MAN1A2: variants seen among roughly 807,000 people sequenced by gnomAD.
MAN1A2 encodes mannosyl-oligosaccharide 1,2-alpha-mannosidase IB.
A neutral mutation model predicts 75.7 loss-of-function variants in MAN1A2; 26 were observed. The ratio of observed to expected loss-of-function variants is 0.34; its 90% CI spans 0.25 to 0.48. The LOEUF is 0.48. MAN1A2 is among the 20% of genes least tolerant of loss of function. MAN1A2 has a pLI of 0.99. For missense variants in MAN1A2, 562 were observed against 775.5 expected, an observed-to-expected ratio of 0.72 and a Z score of 3.27; for synonymous variants, 247 against 264.6, an observed-to-expected ratio of 0.93 and a Z score of 0.65.
Position 117,460,493 on chromosome 1 carries a change from G to A in MAN1A2, c.955G>A (p.Val319Ile). ...TTACTTTTCCTTTTCATTCAGTGGA[G>A]TAGGGCGAAACTGGGGCTGGGCATC... The part of the protein sequence containing the change: ...PWAMVNLKSG[V>I]GRNWGWASAG... Residue 319 changes from valine (V) to isoleucine (I), a missense_variant, in exon 7 of 13, where the codon GTA becomes ATA. Physicochemically the swap from Val to Ile is conservative, Grantham distance 29. This residue lies in a region of MAN1A2 where 434 missense variants were observed against 645.7 expected (regional missense o/e 0.67). Coordinates refer to ENST00000356554, the MANE Select transcript of MAN1A2 (RefSeq NM_006699.5). 1 of 1,610,736 alleles carries A rather than the reference G, an allele frequency of 6.2e-7. No homozygotes were observed. Among genetic ancestry groups the A allele is most frequent in the Non-Finnish European group, 8.5e-7 (1 of 1,178,566 alleles).
intron 4 of MAN1A2, among the ~76,000 whole-genome samples, chr1:117,420,184 A>G (rs984871054): frequency 2.0e-5 from 3 of 152,066 alleles, no homozygotes; most frequent in African/African-American, 7.2e-5. Flanking sequence ...ATTATGCTGT[A>G]GTGATTAGAA....
intron 5 of MAN1A2, among the ~76,000 whole-genome samples, chr1:117,437,019 G>C (rs1648871305): frequency 1.3e-5 from 2 of 152,126 alleles, no homozygotes; most frequent in African/African-American, 4.8e-5. Context: ...CTGTCTCTTT[G>C]TGTTAACCCT....
intron 8 of MAN1A2, among the ~76,000 whole-genome samples, chr1:117,472,536 GAAAT>G (rs1375210438): frequency 7.9e-5 from 12 of 151,988 alleles, no homozygotes; most frequent in Non-Finnish European, 1.6e-4. Context: ...GGAGAGATAT[GAAAT>G]AAACAAATAC....
At chr1:117,408,998 C>G (rs1172689890) in intron 3 of MAN1A2, among the ~76,000 whole-genome samples, 2 of 151,962 alleles carry the variant, frequency 1.3e-5, no homozygotes, top group East Asian at 1.9e-4. Flanking sequence ...CCTTTCATTT[C>G]TAATATTATT....
intron 3 of MAN1A2, among the ~76,000 whole-genome samples, chr1:117,410,059 C>A (rs1647756340): frequency 6.6e-6 from 1 of 151,892 alleles, no homozygotes; most frequent in African/African-American, 2.4e-5. Context: ...CTCTAGATTA[C>A]TTAGAATACC....
chr1:117,401,206 G>A (rs941540967), intron 1 of MAN1A2, among the ~76,000 whole-genome samples: 1 of 150,166 alleles, frequency 6.7e-6, no homozygotes, highest in African/African-American at 2.5e-5. Context: ...ATGCCGAGAA[G>A]TGCATTTGCA....
intron 9 of MAN1A2, among the ~76,000 whole-genome samples, chr1:117,496,113 A>G (rs749262478): frequency 1.4e-5 from 1 of 73,978 alleles, no homozygotes; most frequent in African/African-American, 6.2e-5. Flanking sequence ...AGAACAACTG[A>G]CAGTAAAAAT....
At chr1:117,466,767 A>G (rs972008644) in intron 8 of MAN1A2, among the ~76,000 whole-genome samples, 1 of 152,120 alleles carries the variant, frequency 6.6e-6, no homozygotes, top group African/African-American at 2.4e-5. Flanking sequence ...GTAGAGGAGG[A>G]GTATGAAAAA....
intron 7 of MAN1A2, among the ~76,000 whole-genome samples, chr1:117,463,206 A>T (rs907092933): frequency 6.6e-6 from 1 of 152,120 alleles, no homozygotes; most frequent in South Asian, 2.1e-4. Context: ...GAAAAAATGT[A>T]ACTTCATGTC....
chr1:117,394,989 A>G (rs1394397719), intron 1 of MAN1A2, among the ~76,000 whole-genome samples: 2 of 152,298 alleles, frequency 1.3e-5, no homozygotes, highest in East Asian at 3.9e-4. Flanking sequence ...TTCCAGCGTA[A>G]TTTTATGTAT....
chr1:117,497,050 T>C, intron 10 of MAN1A2, 68 bp downstream of exon 10: 1 of 1,321,874 alleles, frequency 7.6e-7, no homozygotes, highest in Non-Finnish European at 1.0e-6. Context: ...TGTTCAGCAA[T>C]AAGAAGGAGA....
intron 4 of MAN1A2, among the ~76,000 whole-genome samples, chr1:117,415,415 T>C (rs186119311): frequency 6.6e-6 from 1 of 152,286 alleles, no homozygotes; most frequent in Admixed American, 6.5e-5. Flanking sequence ...TGTATTATCC[T>C]TCACTACTTC....
intron 5 of MAN1A2, among the ~76,000 whole-genome samples, chr1:117,435,756 A>G (rs1183195471): frequency 5.3e-5 from 8 of 152,192 alleles, no homozygotes; most frequent in South Asian, 4.1e-4. Context: ...TTTGTAATAG[A>G]TAATAAAATA....
chr1:117,429,846 C>A (rs1648544364), intron 5 of MAN1A2, among the ~76,000 whole-genome samples: 1 of 71,108 alleles, frequency 1.4e-5, no homozygotes. Context: ...GGCGGCTGGC[C>A]GGGCGGGGGG....
In MAN1A2 at chr1:117,523,994, T is replaced by C. The variant is rs1651939333; in HGVS notation, c.*1037T>C. 6.6e-6 allele frequency: 1 copy of C among 152,288 alleles called. No individual in the cohort carries two copies. The allele number at this position is 152,288 out of a possible 1,614,324, so 9.4% of individuals were successfully genotyped here. ...TAAATAAATTACTTTTATAACTTACTAAAGCAGAACAAACAGTGAAACTTT... is the reference window on the plus strand; with the variant it reads ...TAAATAAATTACTTTTATAACTTACCAAAGCAGAACAAACAGTGAAACTTT... On this transcript the variant is annotated 3_prime_UTR_variant, in exon 13 of 13. Coordinates refer to ENST00000356554, the MANE Select transcript of MAN1A2 (RefSeq NM_006699.5).
At chr1:117,497,903 T>C (rs1651080114) in intron 10 of MAN1A2, among the ~76,000 whole-genome samples, 1 of 151,920 alleles carries the variant, frequency 6.6e-6, no homozygotes, top group South Asian at 2.1e-4. Flanking sequence ...TTTTATTAAA[T>C]AACAATTTCT....
rs1652829420 is a variant in MAN1A2 at position 117,368,122 on chromosome 1, T to C, written c.-62T>C. 6.9e-7 allele frequency: 1 copy of C among 1,444,710 alleles called. No individual in the cohort carries two copies. Among genetic ancestry groups the C allele is most frequent in the Admixed American group, 2.2e-5 (1 of 44,978 alleles). 89.5% of individuals were successfully genotyped at this position (1,444,710 alleles called of 1,614,324 possible). A position where few individuals can be genotyped will look rare whatever the true frequency, so the allele number is the denominator to read the frequency against. On this transcript the variant is annotated 5_prime_UTR_variant, in exon 1 of 13. The change abolishes an upstream ATG in the 5' untranslated region. Coordinates refer to ENST00000356554, the MANE Select transcript of MAN1A2 (RefSeq NM_006699.5). ...GGCCAAGATTTTGAAGACAGTTCAATGTATTCTACATTTGACATAAGATGA... is the reference window on the plus strand; with the variant it reads ...GGCCAAGATTTTGAAGACAGTTCAACGTATTCTACATTTGACATAAGATGA...
At chr1:117,453,649 T>C (rs1182785936) in intron 6 of MAN1A2, among the ~76,000 whole-genome samples, 1 of 152,224 alleles carries the variant, frequency 6.6e-6, no homozygotes, top group East Asian at 1.9e-4. Flanking sequence ...ATGGAATCTA[T>C]TCCTGGTGAA....
chr1:117,486,741 T>G (rs1475448306), intron 8 of MAN1A2, among the ~76,000 whole-genome samples: 1 of 151,934 alleles, frequency 6.6e-6, no homozygotes, highest in Non-Finnish European at 1.5e-5. Flanking sequence ...GAGGTTCAAT[T>G]TCCAATTAAT....
Sources: gnomAD v4.1 joint callset for allele counts (sites outside exome capture counted in the v4.1 genomes callset) on GRCh38, gnomAD v4.1.1 for gene constraint, gnomAD v4.1.1 regional missense constraint, MANE v1.5 for transcripts, NCBI Gene and HGNC (gene_info 2026-07-23, HGNC 2026-07-21) for gene names.